The following NAA30 variants were observed in gnomAD, a reference collection of about 807,000 sequenced individuals.
NAA30 encodes the protein N-alpha-acetyltransferase 30.
A neutral mutation model predicts 31.4 loss-of-function variants in NAA30; 5 were observed. That is an observed-to-expected ratio of 0.16 (90% CI 0.08 to 0.33). NAA30 has a LOEUF of 0.33. NAA30 is among the 10% of genes least tolerant of loss of function. NAA30 has a pLI of 1.00. For missense variants in NAA30, 428 were observed against 490.8 expected, an observed-to-expected ratio of 0.87 and a Z score of 1.21; for synonymous variants, 222 against 207.1, an observed-to-expected ratio of 1.07 and a Z score of -0.62.
chr14:57,391,477 G>C lies in NAA30; in HGVS notation c.520G>C (p.Glu174Gln), dbSNP rs746171139. The change falls in exon 2 of 5, where the codon GAG (glutamate) becomes CAG (glutamine). Residue 174 changes from glutamate to glutamine, a missense_variant. Physicochemically the swap from Glu to Gln is conservative, Grantham distance 29. Transcript: ENST00000556492. The surrounding 1 kb of genome is among the most constrained non-coding windows in gnomAD (Gnocchi z 4.1). ...AARNGLAEGTEQEEEEEDEQV... is the reference protein window; with the variant it reads ...AARNGLAEGTQQEEEEEDEQV... Reference sequence around the variant, plus strand: ...CCGCAATGGACTGGCCGAGGGCACCGAGCAGGAGGAGGAGGAGGAAGACGA... The same window carrying C: ...CCGCAATGGACTGGCCGAGGGCACCCAGCAGGAGGAGGAGGAGGAAGACGA... 2.5e-6 allele frequency: 4 copies of C among 1,612,362 alleles called. No homozygotes were observed. Among genetic ancestry groups the C allele is most frequent in the Non-Finnish European group, 3.4e-6 (4 of 1,179,456 alleles).
At chr14:57,394,551 T>A (rs1344555158) in intron 2 of NAA30, among the ~76,000 whole-genome samples, 1 of 152,094 alleles carries the variant, frequency 6.6e-6, no homozygotes, top group Non-Finnish European at 1.5e-5. Flanking sequence ...ATGAGTAGTT[T>A]ATCAGGAAAA....
Position 57,391,045 on chromosome 14 carries a change from C to A in NAA30, c.88C>A (p.Pro30Thr). Reference protein sequence around the residue: ...PAAVEPRCPFPAGAALACCSE... With the variant: ...PAAVEPRCPFTAGAALACCSE... ...GGCGGTCGAGCCCCGCTGTCCCTTC[C>A]CGGCGGGGGCCGCCCTCGCCTGCTG... The change falls in exon 2 of 5, where the codon CCG (proline) becomes ACG (threonine). Residue 30 changes from proline to threonine, a missense_variant. Physicochemically the swap from Pro to Thr is conservative, Grantham distance 38. This residue lies in a region of NAA30 where 349 missense variants were observed against 310.4 expected (regional missense o/e 1.12). Coordinates refer to ENST00000556492, the MANE Select transcript of NAA30 (RefSeq NM_001011713.3). The surrounding 1 kb of genome is among the most constrained non-coding windows in gnomAD (Gnocchi z 4.1). 2 of 1,511,800 alleles carry A rather than the reference C, an allele frequency of 1.3e-6. No homozygotes were observed. Among genetic ancestry groups the A allele is most frequent in the Non-Finnish European group, 8.8e-7 (1 of 1,137,310 alleles). The allele number at this position is 1,511,800 out of a possible 1,614,324, so 93.6% of individuals were successfully genotyped here.
intron 2 of NAA30, among the ~76,000 whole-genome samples, chr14:57,396,175 A>C (rs1411770445): frequency 1.3e-5 from 2 of 152,078 alleles, no homozygotes; most frequent in East Asian, 3.9e-4. Flanking sequence ...GGGTTTTGCC[A>C]TGTTGCCCAC....
chr14:57,401,434 G>T (rs1453555097), intron 4 of NAA30, among the ~76,000 whole-genome samples: 1 of 152,180 alleles, frequency 6.6e-6, no homozygotes, highest in African/African-American at 2.4e-5. Flanking sequence ...AATGCAAAAG[G>T]TGCAGTCGCC....
intron 4 of NAA30, among the ~76,000 whole-genome samples, chr14:57,400,909 T>G (rs1566550010): frequency 6.6e-6 from 1 of 151,694 alleles, no homozygotes; most frequent in Admixed American, 6.6e-5. Flanking sequence ...TTTTTTTTGT[T>G]TTTGTAGAGA....
In NAA30 at chr14:57,391,775, C is replaced by T. The variant is rs745578927; in HGVS notation, c.771+47C>T. On this transcript the variant is annotated intron_variant, in intron 2 of 4. Coordinates refer to ENST00000556492, the MANE Select transcript of NAA30 (RefSeq NM_001011713.3). The surrounding 1 kb of genome is among the most constrained non-coding windows in gnomAD (Gnocchi z 4.1). ...AGGGTGAACCCAGCAGTGATCGAGA[C>T]TGTGCGGGGCAGGGAGTGAGGGCCC... 6.7e-7 allele frequency: 1 copy of T among 1,485,524 alleles called. No individual in the cohort carries two copies. 92.0% of individuals were successfully genotyped at this position (1,485,524 alleles called of 1,614,324 possible). A position where few individuals can be genotyped will look rare whatever the true frequency, so the allele number is the denominator to read the frequency against.
intron 4 of NAA30, among the ~76,000 whole-genome samples, chr14:57,404,570 C>G (rs1463912920): frequency 6.6e-6 from 1 of 152,150 alleles, no homozygotes; most frequent in Non-Finnish European, 1.5e-5. Flanking sequence ...ACCTACCTTT[C>G]TAGCACGTTG....
At chr14:57,396,360 ACTTTTT>A (rs1001868502) in intron 2 of NAA30, among the ~76,000 whole-genome samples, 3 of 151,898 alleles carry the variant, frequency 2.0e-5, no homozygotes, top group African/African-American at 7.3e-5. Flanking sequence ...TAATGAATAG[ACTTTTT>A]CTTTATAATC....
intron 4 of NAA30, among the ~76,000 whole-genome samples, chr14:57,403,988 G>A (rs1299106725): frequency 1.3e-5 from 2 of 152,080 alleles, no homozygotes; most frequent in Non-Finnish European, 2.9e-5. Context: ...AAACTTCAAG[G>A]TTGTTTTTGT....
rs574698706 is a variant in NAA30 at position 57,413,795 on chromosome 14, A to G, written c.*4279A>G. ...AGGCGTGAGCCACCACGCCCAGCCTATGATATTCTTTTTATAAGCAACTTT... is the reference window on the plus strand; with the variant it reads ...AGGCGTGAGCCACCACGCCCAGCCTGTGATATTCTTTTTATAAGCAACTTT... On this transcript the variant is annotated 3_prime_UTR_variant, in exon 5 of 5. Transcript: ENST00000556492. 14 of 152,354 alleles carry G rather than the reference A, an allele frequency of 9.2e-5. No individual in the cohort carries two copies. Among genetic ancestry groups the G allele is most frequent in the African/African-American group, 3.4e-4 (14 of 41,582 alleles). 9.4% of individuals were successfully genotyped at this position (152,354 alleles called of 1,614,324 possible). A position where few individuals can be genotyped will look rare whatever the true frequency, so the allele number is the denominator to read the frequency against.
chr14:57,391,780 CG>C lies in NAA30; in HGVS notation c.771+56del. 1 of 1,462,304 alleles carries C rather than the reference CG, an allele frequency of 6.8e-7. No homozygotes were observed. 90.6% of individuals were successfully genotyped at this position (1,462,304 alleles called of 1,614,324 possible). A position where few individuals can be genotyped will look rare whatever the true frequency, so the allele number is the denominator to read the frequency against. On this transcript the variant is annotated intron_variant, in intron 2 of 4. Coordinates refer to ENST00000556492, the MANE Select transcript of NAA30 (RefSeq NM_001011713.3). The surrounding 1 kb of genome is among the most constrained non-coding windows in gnomAD (Gnocchi z 4.1). ...GAACCCAGCAGTGATCGAGACTGTG[CG>C]GGGCAGGGAGTGAGGGCCCAGAATG...
At chr14:57,401,100 T>C (rs1263010616) in intron 4 of NAA30, among the ~76,000 whole-genome samples, 1 of 152,226 alleles carries the variant, frequency 6.6e-6, no homozygotes, top group Non-Finnish European at 1.5e-5. Context: ...TGTGCAAATA[T>C]ATAGTTTTTA....
chr14:57,396,281 A>G (rs1369960933), intron 2 of NAA30, among the ~76,000 whole-genome samples: 1 of 152,156 alleles, frequency 6.6e-6, no homozygotes. Context: ...GGCCATTATT[A>G]CTAAATTTAA....
chr14:57,401,351 A>G (rs947570676), intron 4 of NAA30, among the ~76,000 whole-genome samples: 6 of 152,240 alleles, frequency 3.9e-5, no homozygotes, highest in African/African-American at 1.4e-4. Context: ...ATTTAAAAAT[A>G]TCTAATTTTA....
chr14:57,411,758 T>G lies in NAA30; in HGVS notation c.*2242T>G, dbSNP rs1211071677. 1 of 152,180 alleles carries G rather than the reference T, an allele frequency of 6.6e-6. No homozygotes were observed. Among genetic ancestry groups the G allele is most frequent in the Non-Finnish European group, 1.5e-5 (1 of 68,002 alleles). The allele number at this position is 152,180 out of a possible 1,614,324, so 9.4% of individuals were successfully genotyped here. ...TTGGGTATGCAAAAAAATTTTTACT[T>G]AAGTAGATTAAAATTTTAACCTCTA... On this transcript the variant is annotated 3_prime_UTR_variant, in exon 5 of 5. Transcript: ENST00000556492.
rs1178313567 is a variant in NAA30, at chr14:57,391,722, C to T, written c.765C>T (p.Cys255=). 6 of 1,601,650 alleles carry T rather than the reference C, an allele frequency of 3.7e-6. No homozygotes were observed. Among genetic ancestry groups the T allele is most frequent in the South Asian group, 2.2e-5 (2 of 89,224 alleles). The part of the protein sequence containing the change: ...RYFIHNWPQL[C]FLAMVGEECV... ...TTATCCACAACTGGCCACAGCTGTG[C>T]TTCTTGGTAAGTGGATAGAATAAAA... The change falls in exon 2 of 5, where the codon TGC becomes TGT. Residue 255 remains cysteine, a synonymous_variant. Coordinates refer to ENST00000556492, the MANE Select transcript of NAA30 (RefSeq NM_001011713.3). The surrounding 1 kb of genome is among the most constrained non-coding windows in gnomAD (Gnocchi z 4.1).
At chr14:57,405,417 A>ATTTG (rs1486263124) in intron 4 of NAA30, among the ~76,000 whole-genome samples, 48 of 148,008 alleles carry the variant, frequency 3.2e-4, no homozygotes, top group Admixed American at 7.3e-4. Context: ...AATAATATAT[A>ATTTG]TGTGTATATA....
chr14:57,394,778 T>G (rs1566548368), intron 2 of NAA30, among the ~76,000 whole-genome samples: 1 of 152,208 alleles, frequency 6.6e-6, no homozygotes, highest in Non-Finnish European at 1.5e-5. Flanking sequence ...TTGAAAGTAC[T>G]GTCCAGTTGT....
rs956901447 is a variant in NAA30 at position 57,410,838 on chromosome 14, G to A, written c.*1322G>A. The A allele has an allele frequency of 2.0e-5, 3 of 152,492 alleles. No homozygotes were observed. The highest frequency in any genetic ancestry group is 2.0e-4 in the Admixed American group (3 of 15,262). 9.4% of individuals were successfully genotyped at this position (152,492 alleles called of 1,614,324 possible). ...TGCTTTCAATTGAGTCAGTAAACCT[G>A]TGATAGATAATTTATTTAACTGGAA... On this transcript the variant is annotated 3_prime_UTR_variant, in exon 5 of 5. Transcript: ENST00000556492.
Sources: allele counts gnomAD v4.1 joint callset (sites outside exome capture counted in the v4.1 genomes callset), GRCh38; gene constraint gnomAD v4.1.1; regional missense constraint gnomAD v4.1.1; non-coding constraint Gnocchi (gnomAD v3.1); transcripts MANE v1.5; gene names NCBI Gene and HGNC (gene_info 2026-07-23, HGNC 2026-07-21).